Variants in RTP2 observed in about 807,000 individuals in gnomAD.
RTP2 encodes receptor transporter protein 2, also known as receptor-transporting protein 2.
RTP2 carries 12 observed loss-of-function variants against 17.9 expected under a neutral mutation model. The observed-to-expected ratio is 0.67, with a 90% CI of 0.43 to 1.09. The LOEUF (loss-of-function observed/expected upper bound fraction) is 1.09, where lower values mean the gene tolerates loss of function less well. Ranked by LOEUF, RTP2 falls within the 50% of genes least tolerant of loss-of-function variation. RTP2 has a pLI of 0.00. For synonymous variants in RTP2, 126 were observed against 117.7 expected (o/e 1.07, Z -0.46); for missense variants, 327 against 295.7 (o/e 1.11, Z -0.78).
chr3:187,701,144 A>G (rs1022548626), intron 1 of RTP2, among the ~76,000 whole-genome samples: 2 of 152,210 alleles, frequency 1.3e-5, no homozygotes, highest in Non-Finnish European at 2.9e-5. Context: ...CAGACACTAC[A>G]GATGGACTTG....
chr3:187,702,319 G>A (rs905966363), exon 1 of RTP2: 13 of 610,090 alleles, frequency 2.1e-5, no homozygotes, highest in Non-Finnish European at 3.5e-5. Flanking sequence ...GGCACCAAGA[G>A]TGAGGGCTGG....
the RTP2 span, among the ~76,000 whole-genome samples, chr3:187,712,669 G>A: frequency 6.6e-6 from 1 of 152,146 alleles, no homozygotes; most frequent in Non-Finnish European, 1.5e-5. Context: ...ATGCATGTTC[G>A]TCTCCTGGAT....
At chr3:187,705,036 T>C (rs1191026277), upstream of RTP2, among the ~76,000 whole-genome samples, 3 of 152,142 alleles carry the variant, frequency 2.0e-5, no homozygotes, top group Non-Finnish European at 2.9e-5. Context: ...CTGGAATCTG[T>C]ATTAAGAGTG....
upstream of RTP2, among the ~76,000 whole-genome samples, chr3:187,705,541 T>A (rs1171426012): frequency 6.6e-6 from 1 of 152,194 alleles, no homozygotes; most frequent in Non-Finnish European, 1.5e-5. Flanking sequence ...ACATTTGTAG[T>A]TCCAGGGCTT....
upstream of RTP2, among the ~76,000 whole-genome samples, chr3:187,705,222 G>A (rs1458931486): frequency 8.5e-5 from 13 of 152,146 alleles, no homozygotes; most frequent in Admixed American, 8.5e-4. Flanking sequence ...AGAGGGTCTG[G>A]GGACACTTTC....
chr3:187,699,160 G>C, intron 1 of RTP2, 149 bp from the exon 2 acceptor site: 1 of 1,006,070 alleles, frequency 9.9e-7, no homozygotes, highest in Admixed American at 2.9e-5. Flanking sequence ...GCACTCCAAG[G>C]CCGGCCTGCT....
At chr3:187,702,482 T>C (rs1162222666) in exon 1 of RTP2, 3 of 474,980 alleles carry the variant, frequency 6.3e-6, no homozygotes, top group African/African-American at 3.9e-5. Context: ...GCAAGGACTA[T>C]TTGGTGGCCC....
chr3:187,712,633 A>G, the RTP2 span, among the ~76,000 whole-genome samples: 2 of 152,184 alleles, frequency 1.3e-5, no homozygotes, highest in Non-Finnish European at 2.9e-5. Context: ...GGAGGCATGA[A>G]TAAGAAAACT....
At chr3:187,713,549 A>G in the RTP2 span, among the ~76,000 whole-genome samples, 2 of 152,160 alleles carry the variant, frequency 1.3e-5, no homozygotes, top group Non-Finnish European at 2.9e-5. Flanking sequence ...GGCTTTAGAT[A>G]CCCTCTAGAG....
exon 2 of RTP2, chr3:187,698,478 C>G (rs754136987): frequency 3.8e-6 from 6 of 1,581,248 alleles, no homozygotes; most frequent in Non-Finnish European, 5.2e-6. Flanking sequence ...TGTGCCCTCT[C>G]CCACCCTTAA....
chr3:187,710,285 T>C, the RTP2 span, among the ~76,000 whole-genome samples: 1 of 151,784 alleles, frequency 6.6e-6, no homozygotes, highest in African/African-American at 2.4e-5. Flanking sequence ...CTTTCCTGAG[T>C]CTTCAGCTTG....
chr3:187,700,887 T>G (rs1244708086), intron 1 of RTP2, among the ~76,000 whole-genome samples: 1 of 149,848 alleles, frequency 6.7e-6, no homozygotes, highest in African/African-American at 2.6e-5. Flanking sequence ...TCTGGTTTTC[T>G]GTCTTTTTTT....
chr3:187,703,007 G>T (rs1039131140), upstream of RTP2, among the ~76,000 whole-genome samples: 1 of 149,594 alleles, frequency 6.7e-6, no homozygotes, highest in African/African-American at 2.4e-5. Context: ...GTTCTGTGCT[G>T]CAGGCTCCTG....
At chr3:187,714,168 A>G in the RTP2 span, among the ~76,000 whole-genome samples, 1 of 152,324 alleles carries the variant, frequency 6.6e-6, no homozygotes, top group East Asian at 1.9e-4. Flanking sequence ...CTTGGAGATG[A>G]AAGGCTTTTG....
At chr3:187,709,769 T>A in the RTP2 span, among the ~76,000 whole-genome samples, 1 of 148,194 alleles carries the variant, frequency 6.7e-6, no homozygotes, top group African/African-American at 2.5e-5. Context: ...TTGAAAAAAA[T>A]GTTAACATGA....
chr3:187,698,637 G>A (rs1260199640), exon 2 of RTP2: 2 of 1,614,138 alleles, frequency 1.2e-6, no homozygotes, highest in Non-Finnish European at 1.7e-6. Flanking sequence ...GGCTTCAGAG[G>A]TGTAGGTGGT....
upstream of RTP2, among the ~76,000 whole-genome samples, chr3:187,705,353 G>A (rs985202660): frequency 6.6e-5 from 10 of 152,162 alleles, no homozygotes; most frequent in African/African-American, 2.4e-4. Flanking sequence ...CACAAAAATA[G>A]CCATGACTCA....
At chr3:187,701,240 G>C (rs576499624) in intron 1 of RTP2, among the ~76,000 whole-genome samples, 18 of 152,290 alleles carry the variant, frequency 1.2e-4, no homozygotes, top group African/African-American at 4.3e-4. Context: ...AGACGGCCTC[G>C]TCCCCTTGGC....
chr3:187,699,937 C>T (rs1298538169), intron 1 of RTP2, among the ~76,000 whole-genome samples: 2 of 152,164 alleles, frequency 1.3e-5, no homozygotes, highest in Non-Finnish European at 2.9e-5. Context: ...TGCACACTTT[C>T]AGTGATGCAG....
Sources: allele counts gnomAD v4.1 joint callset (sites outside exome capture counted in the v4.1 genomes callset), GRCh38; gene constraint gnomAD v4.1.1; transcripts MANE v1.5; gene names NCBI Gene and HGNC (gene_info 2026-07-23, HGNC 2026-07-21).